Variants in ACOX3 observed in about 807,000 individuals in gnomAD.
ACOX3 encodes peroxisomal acyl-coenzyme A oxidase 3.
A neutral mutation model predicts 81.5 loss-of-function variants in ACOX3; 73 were observed. The ratio of observed to expected loss-of-function variants is 0.90; its 90% CI spans 0.74 to 1.09. The LOEUF is 1.09. ACOX3 is among the 50% of genes least tolerant of loss of function. The probability of loss-of-function intolerance (pLI) is 0.00; values close to 1 mark genes in which losing one functional copy is unlikely to be tolerated. For synonymous variants in ACOX3, 387 were observed against 375.1 expected, an observed-to-expected ratio of 1.03 and a Z score of -0.37; for missense variants, 947 against 928.0, an observed-to-expected ratio of 1.02 and a Z score of -0.27.
chr4:8,435,844 G>T (rs1344100579), intron 1 of ACOX3, among the ~76,000 whole-genome samples: 2 of 152,038 alleles, frequency 1.3e-5, no homozygotes, highest in African/African-American at 4.8e-5. Context: ...TCTCCATATG[G>T]CCCAGCCTAC....
intron 1 of ACOX3, among the ~76,000 whole-genome samples, chr4:8,433,595 G>A (rs1252438916): frequency 1.3e-5 from 2 of 152,206 alleles, no homozygotes; most frequent in African/African-American, 2.4e-5. Flanking sequence ...AATGGGCTAG[G>A]GTGAGCCAGT....
rs1421596493 is a variant in ACOX3, at chr4:8,407,851, T to C, written c.688-1808A>G. On this transcript the variant is annotated intron_variant, in intron 6 of 17. Transcript: ENST00000356406. The surrounding 1 kb of genome is among the most constrained non-coding windows in gnomAD (Gnocchi z 4.6). Reference sequence around the variant, plus strand: ...CTGTTACAGCAGGGATTCCCAACCATGAGACGTGCCACCTTCCCCTTCCCC... The same window carrying C: ...CTGTTACAGCAGGGATTCCCAACCACGAGACGTGCCACCTTCCCCTTCCCC... Among the ~76,000 whole-genome samples the C allele has an allele frequency of 3.3e-5, 5 of 152,308 alleles. No homozygotes were observed. The East Asian group carries it at 7.7e-4, about 24-fold the overall frequency.
At position 8,416,137 on chromosome 4, in the gene ACOX3, A is replaced by G; in HGVS notation, c.145-138T>C. 1.0e-6 allele frequency: 1 copy of G among 1,000,098 alleles called. No homozygotes were observed. Among genetic ancestry groups the G allele is most frequent in the Non-Finnish European group, 1.5e-6 (1 of 671,838 alleles). The allele number at this position is 1,000,098 out of a possible 1,614,324, so 62.0% of individuals were successfully genotyped here. A position where few individuals can be genotyped will look rare whatever the true frequency, so the allele number is the denominator to read the frequency against. The stretch of plus-strand genomic sequence containing the variant: ...GAGACACCCAGACAGAGATATGACT[A>G]TCATTCCCAATGGACTAGAGGACTG... On this transcript the variant is annotated intron_variant, in intron 2 of 17. Coordinates refer to ENST00000356406, the MANE Select transcript of ACOX3 (RefSeq NM_003501.3). The surrounding 1 kb of genome is among the most constrained non-coding windows in gnomAD (Gnocchi z 4.2).
rs773144653 is a variant in ACOX3, at chr4:8,389,773, A to G, written c.1301-39T>C. 24 of 1,607,096 alleles carry G rather than the reference A, an allele frequency of 1.5e-5. No individual in the cohort carries two copies. The highest frequency in any genetic ancestry group is 2.0e-5 in the Non-Finnish European group (23 of 1,176,376). On this transcript the variant is annotated intron_variant, in intron 11 of 17. Coordinates refer to ENST00000356406, the MANE Select transcript of ACOX3 (RefSeq NM_003501.3). This position sits in a 1 kb window ranked among gnomAD's most constrained non-coding sequence, Gnocchi z 5.3. ...ACAATAGTACCATCATTTAAGACGC[A>G]TATTTGAGAAGCAGCCTGTCACTAT...
the ACOX3 span, among the ~76,000 whole-genome samples, chr4:8,361,059 T>C: frequency 6.6e-6 from 1 of 152,074 alleles, no homozygotes; most frequent in Non-Finnish European, 1.5e-5. Context: ...AAAAGTGAAA[T>C]GTGTCTTTTG....
chr4:8,414,935 G>C lies in ACOX3; in HGVS notation c.379-7C>G, dbSNP rs1249225946. The C allele has an allele frequency of 3.1e-6, 5 of 1,613,970 alleles. No homozygotes were observed. In the South Asian group the frequency reaches 5.5e-5, roughly 18 times the overall value. ...AAACTGCTGATCCAAAAACCTGAAA[G>C]TATAACATCGTCCTATCAACAGGGG... On this transcript the variant is annotated splice_polypyrimidine_tract_variant and splice_region_variant and intron_variant, in intron 3 of 17. Coordinates refer to ENST00000356406, the MANE Select transcript of ACOX3 (RefSeq NM_003501.3). This position sits in a 1 kb window ranked among gnomAD's most constrained non-coding sequence, Gnocchi z 6.1.
rs1013419253 is a variant in ACOX3, at chr4:8,406,672, C to G, written c.688-629G>C. Among the ~76,000 whole-genome samples the G allele has an allele frequency of 6.6e-6, 1 of 152,206 alleles. No individual in the cohort carries two copies. Among genetic ancestry groups the G allele is most frequent in the Admixed American group, 6.5e-5 (1 of 15,286 alleles). On this transcript the variant is annotated intron_variant, in intron 6 of 17. Transcript: ENST00000356406. This position sits in a 1 kb window ranked among gnomAD's most constrained non-coding sequence, Gnocchi z 5.6. ...TCACATGTCCACTGGACAGGGGGCCCTTCCCTGCCTGGCAGCTGAGGCAGA... is the reference window on the plus strand; with the variant it reads ...TCACATGTCCACTGGACAGGGGGCCGTTCCCTGCCTGGCAGCTGAGGCAGA...
chr4:8,422,615 G>A (rs961209965), intron 1 of ACOX3, among the ~76,000 whole-genome samples: 1 of 152,128 alleles, frequency 6.6e-6, no homozygotes, highest in Non-Finnish European at 1.5e-5. Context: ...TACTCAATTC[G>A]CTTTCATCCT....
intron 9 of ACOX3, 97 bp downstream of exon 9, chr4:8,396,840 T>C (rs1719750606): frequency 1.8e-5 from 25 of 1,426,428 alleles, no homozygotes; most frequent in Non-Finnish European, 2.3e-5. Flanking sequence ...CTTAAGAGCT[T>C]TGATCAACTC....
chr4:8,381,042 G>A lies in ACOX3; in HGVS notation c.1653+450C>T, dbSNP rs1341628314. 1.3e-5 allele frequency among the ~76,000 whole-genome samples: 2 copies of A among 152,190 alleles called. No individual in the cohort carries two copies. Among genetic ancestry groups the A allele is most frequent in the Admixed American group, 1.3e-4 (2 of 15,268 alleles). ...CCTGTCCAAGTGTGAGAACCAAAGC[G>A]CTTTCCAAGGCCAACGATGACCCAC... On this transcript the variant is annotated intron_variant, in intron 14 of 17. Transcript: ENST00000356406. This position sits in a 1 kb window ranked among gnomAD's most constrained non-coding sequence, Gnocchi z 4.3.
At chr4:8,433,485 G>A (rs918402297) in intron 1 of ACOX3, among the ~76,000 whole-genome samples, 1 of 152,222 alleles carries the variant, frequency 6.6e-6, no homozygotes, top group Non-Finnish European at 1.5e-5. Context: ...GAGAATAAAT[G>A]CGTGTTGTTT....
In ACOX3 at chr4:8,414,630, C is replaced by T. The variant is rs1266135113; in HGVS notation, c.453+224G>A. 2.0e-5 allele frequency among the ~76,000 whole-genome samples: 3 copies of T among 152,216 alleles called. No homozygotes were observed. The highest frequency in any genetic ancestry group is 2.4e-5 in the African/African-American group (1 of 41,456). On this transcript the variant is annotated intron_variant, in intron 4 of 17. Coordinates refer to ENST00000356406, the MANE Select transcript of ACOX3 (RefSeq NM_003501.3). The surrounding 1 kb of genome is among the most constrained non-coding windows in gnomAD (Gnocchi z 6.1). ...GCAGGAACTGCTCATCAGGAAAAGA[C>T]AGTGGAAGGCCTCAGTGACAATTCA...
intron 16 of ACOX3, among the ~76,000 whole-genome samples, chr4:8,372,965 G>A (rs907594044): frequency 1.3e-5 from 2 of 152,160 alleles, no homozygotes; most frequent in Non-Finnish European, 2.9e-5. Flanking sequence ...CAACCCAGCG[G>A]CTGCCGTGCT....
chr4:8,380,682 T>G (rs749730282), intron 14 of ACOX3, among the ~76,000 whole-genome samples: 1 of 152,130 alleles, frequency 6.6e-6, no homozygotes, highest in African/African-American at 2.4e-5. Flanking sequence ...AGCAGCTTCA[T>G]TACTGAAGGT....
At chr4:8,361,248 C>T in the ACOX3 span, among the ~76,000 whole-genome samples, 6 of 151,196 alleles carry the variant, frequency 4.0e-5, no homozygotes, top group Non-Finnish European at 7.4e-5. Context: ...ACGGTGAAAC[C>T]CAGTCTCTAC....
At chr4:8,436,422 A>G (rs1374530083) in intron 1 of ACOX3, 1 of 151,936 alleles carries the variant, frequency 6.6e-6, no homozygotes. Context: ...ATTTACACTG[A>G]CTCTCAGTAT....
At position 8,423,951 on chromosome 4, in the gene ACOX3, T is replaced by C. The variant is rs547790817; in HGVS notation, c.-14-7416A>G. On this transcript the variant is annotated intron_variant, in intron 1 of 17. Coordinates refer to ENST00000356406, the MANE Select transcript of ACOX3 (RefSeq NM_003501.3). The surrounding 1 kb of genome is among the most constrained non-coding windows in gnomAD (Gnocchi z 4.2). Reference sequence around the variant, plus strand: ...CGGATGATTTACTTTTAGCCACCCATTCAGAAACCTTGTGCCATCAAGCCA... The same window carrying C: ...CGGATGATTTACTTTTAGCCACCCACTCAGAAACCTTGTGCCATCAAGCCA... Among the ~76,000 whole-genome samples, 4 of 152,300 alleles carry C rather than the reference T, an allele frequency of 2.6e-5. No homozygotes were observed. The highest frequency in any genetic ancestry group is 9.6e-5 in the African/African-American group (4 of 41,572).
At position 8,389,244 on chromosome 4, in the gene ACOX3, A is replaced by G; in HGVS notation, c.1466T>C (p.Leu489Pro). 2 of 1,613,918 alleles carry G rather than the reference A, an allele frequency of 1.2e-6. No homozygotes were observed. The highest frequency in any genetic ancestry group is 2.2e-5 in the South Asian group (2 of 91,006). The change falls in exon 13 of 18, where the codon CTG becomes CCG. Residue 489 changes from leucine (L) to proline (P), a missense_variant. By Grantham distance (98) the Leu-to-Pro change is moderately conservative (BLOSUM62 -3). Coordinates refer to ENST00000356406, the MANE Select transcript of ACOX3 (RefSeq NM_003501.3). This position sits in a 1 kb window ranked among gnomAD's most constrained non-coding sequence, Gnocchi z 5.3. ...GTCAAGGATGCCGGGATAGGCGTCC[A>G]GAAAGTCCACTGACTTCAGCGGACT... ...FRSPLKSVDF[L>P]DAYPGILDQK...
At chr4:8,371,977 G>T (rs747583) in intron 16 of ACOX3, among the ~76,000 whole-genome samples, 3 of 152,226 alleles carry the variant, frequency 2.0e-5, no homozygotes, top group South Asian at 2.1e-4. Flanking sequence ...TCTAGTGGAT[G>T]GCTGGCAACT....
Sources: gnomAD v4.1 joint callset for allele counts (sites outside exome capture counted in the v4.1 genomes callset) on GRCh38, gnomAD v4.1.1 for gene constraint, Gnocchi (gnomAD v3.1) non-coding constraint, MANE v1.5 for transcripts, NCBI Gene and HGNC (gene_info 2026-07-23, HGNC 2026-07-21) for gene names.